The following HPSE2 variants were observed in gnomAD, a reference collection of about 807,000 sequenced individuals.
HPSE2 encodes inactive heparanase-2.
HPSE2 carries 38 observed loss-of-function variants against 60.5 expected under a neutral mutation model. The observed-to-expected ratio is 0.63, with a 90% CI of 0.48 to 0.82. HPSE2 has a LOEUF of 0.82. Ranked by LOEUF, HPSE2 falls within the 40% of genes least tolerant of loss-of-function variation. HPSE2 has a pLI of 0.00. For synonymous variants in HPSE2, 295 were observed against 293.2 expected, an observed-to-expected ratio of 1.01 and a Z score of -0.06; for missense variants, 713 against 740.4, an observed-to-expected ratio of 0.96 and a Z score of 0.43.
At chr10:99,020,398 T>C (rs915961522) in intron 3 of HPSE2, among the ~76,000 whole-genome samples, 7 of 152,186 alleles carry the variant, frequency 4.6e-5, no homozygotes, top group Admixed American at 4.6e-4. Context: ...TAAGGTCCCA[T>C]CATAAGTCTG....
chr10:98,777,872 T>C (rs753430210), intron 3 of HPSE2, among the ~76,000 whole-genome samples: 6 of 152,100 alleles, frequency 3.9e-5, no homozygotes, highest in Non-Finnish European at 8.8e-5. Flanking sequence ...CCAGGATTTC[T>C]TGATGGTAGT....
rs547106095 is a variant in HPSE2, at chr10:99,122,961, G to T, written c.610+21277C>A. Among the ~76,000 whole-genome samples, 7 of 152,080 alleles carry T rather than the reference G, an allele frequency of 4.6e-5. No homozygotes were observed. In the South Asian group the frequency reaches 1.2e-3, roughly 27 times the overall value. On this transcript the variant is annotated intron_variant, in intron 3 of 11. Coordinates refer to ENST00000370552, the MANE Select transcript of HPSE2 (RefSeq NM_021828.5). ...TGACAGAAAACAGAATTCAGAAATA[G>T]GTACAAATACATGTGGGAGTATAAT... is the stretch of plus-strand genomic sequence containing the variant.
At chr10:98,851,523 A>G (rs1443447755) in intron 3 of HPSE2, among the ~76,000 whole-genome samples, 2 of 152,316 alleles carry the variant, frequency 1.3e-5, no homozygotes, top group East Asian at 1.9e-4. Flanking sequence ...CTTTCTACAA[A>G]GAGCAAATGT....
At chr10:98,981,795 C>A (rs767022065) in intron 3 of HPSE2, among the ~76,000 whole-genome samples, 10 of 151,988 alleles carry the variant, frequency 6.6e-5, no homozygotes, top group Non-Finnish European at 1.2e-4. Context: ...ATTTGTATTT[C>A]TCCCTTACTA....
In HPSE2 at chr10:99,218,622, C is replaced by A. The variant is rs143653350; in HGVS notation, c.448+13726G>T. 5.9e-5 allele frequency among the ~76,000 whole-genome samples: 9 copies of A among 152,284 alleles called. No individual in the cohort carries two copies. The East Asian group carries it at 1.3e-3, about 23-fold the overall frequency. ...AAAAGACCTCAGTCATTCAGTGACA[C>A]AAAAACCCCAAATGAAGACATTTCA... On this transcript the variant is annotated intron_variant, in intron 2 of 11. Transcript: ENST00000370552.
At chr10:98,781,629 C>T (rs956979418) in intron 3 of HPSE2, among the ~76,000 whole-genome samples, 13 of 152,132 alleles carry the variant, frequency 8.5e-5, no homozygotes, top group Admixed American at 8.5e-4. Context: ...TTCAACTTTA[C>T]TTGTAATCAA....
At chr10:98,888,851 C>T (rs766518863) in intron 3 of HPSE2, among the ~76,000 whole-genome samples, 2 of 152,168 alleles carry the variant, frequency 1.3e-5, no homozygotes, top group East Asian at 1.9e-4. Context: ...TTTGGAATTG[C>T]TTAAAAGCTA....
chr10:98,957,383 G>A (rs1288248354), intron 3 of HPSE2, among the ~76,000 whole-genome samples: 1 of 152,032 alleles, frequency 6.6e-6, no homozygotes, highest in Non-Finnish European at 1.5e-5. Context: ...CGGCCTTCAG[G>A]GGTAGCTTTG....
chr10:99,272,804 A>T, the HPSE2 span, among the ~76,000 whole-genome samples: 276 of 152,334 alleles, frequency 1.8e-3, 1 homozygote, highest in Admixed American at 3.2e-3. Flanking sequence ...GTGAAAAGGG[A>T]ACACTTTTAC....
At chr10:99,191,760 T>A (rs910577268) in intron 2 of HPSE2, among the ~76,000 whole-genome samples, 1 of 152,128 alleles carries the variant, frequency 6.6e-6, no homozygotes, top group African/African-American at 2.4e-5. Flanking sequence ...CAGGAAAATA[T>A]GACCTCACCA....
intron 3 of HPSE2, among the ~76,000 whole-genome samples, chr10:99,121,081 T>A (rs1224197612): frequency 6.6e-6 from 1 of 152,082 alleles, no homozygotes; most frequent in Non-Finnish European, 1.5e-5. Context: ...GTAGACAGAA[T>A]AAAGAAAATG....
chr10:98,897,017 TTAA>T (rs765643922), intron 3 of HPSE2, among the ~76,000 whole-genome samples: 23 of 152,128 alleles, frequency 1.5e-4, no homozygotes, highest in Non-Finnish European at 2.6e-4. Flanking sequence ...TGCCAAACAT[TTAA>T]GGAAGAAATG....
chr10:98,532,048 C>A (rs1943146807), intron 9 of HPSE2, among the ~76,000 whole-genome samples: 1 of 151,946 alleles, frequency 6.6e-6, no homozygotes, highest in South Asian at 2.1e-4. Flanking sequence ...CTATTTTTTT[C>A]ATGTGTTTAA....
chr10:99,144,182 A>G, intron 3 of HPSE2, 56 bp downstream of exon 3: 1 of 1,579,762 alleles, frequency 6.3e-7, no homozygotes, highest in South Asian at 1.1e-5. Context: ...GTGTACCCCA[A>G]AAAACAAGTT....
chr10:98,722,210 G>T (rs1208417328), intron 4 of HPSE2, among the ~76,000 whole-genome samples: 4 of 147,538 alleles, frequency 2.7e-5, no homozygotes, highest in Admixed American at 2.1e-4. Flanking sequence ...TTATGATAAG[G>T]TCATACTAGA....
chr10:98,740,968 GA>G (rs1949481910), intron 4 of HPSE2, among the ~76,000 whole-genome samples: 1 of 152,032 alleles, frequency 6.6e-6, no homozygotes, highest in African/African-American at 2.4e-5. Context: ...TCTAGTACAA[GA>G]AAAACTATCA....
intron 9 of HPSE2, among the ~76,000 whole-genome samples, chr10:98,508,963 T>G (rs889959524): frequency 6.6e-6 from 1 of 152,188 alleles, no homozygotes; most frequent in African/African-American, 2.4e-5. Flanking sequence ...ATTATTCAAT[T>G]TACTTTTAGC....
Position 98,471,002 on chromosome 10 carries a change from C to T in HPSE2, c.1614-11263G>A, listed in dbSNP as rs189153857. 3.5e-3 allele frequency among the ~76,000 whole-genome samples: 531 copies of T among 152,266 alleles called. 1 individual carries two copies. Among genetic ancestry groups the T allele is most frequent in the Non-Finnish European group, 5.9e-3 (401 of 68,020 alleles). ...TAAAAGCATTTCATAATCCTCTAAT[C>T]GGCACAGTGATCTCCACATTAGTAA... On this transcript the variant is annotated intron_variant, in intron 11 of 11. Transcript: ENST00000370552.
Position 98,937,051 on chromosome 10 carries a change from C to G in HPSE2, c.611-192995G>C, listed in dbSNP as rs1359384992. 2.1e-5 allele frequency among the ~76,000 whole-genome samples: 3 copies of G among 141,326 alleles called. No homozygotes were observed. In the East Asian group the frequency reaches 6.0e-4, roughly 28 times the overall value. The allele number at this position is 141,326 out of a possible 152,430, so 92.7% of individuals were successfully genotyped here. On this transcript the variant is annotated intron_variant, in intron 3 of 11. Transcript: ENST00000370552. ...AAAATTTTAAGTTTTTCAACCTCCT[C>G]CTCTACAACAATATACAATAACGTT...
Sources: allele counts gnomAD v4.1 joint callset (sites outside exome capture counted in the v4.1 genomes callset), GRCh38; gene constraint gnomAD v4.1.1; transcripts MANE v1.5; gene names NCBI Gene and HGNC (gene_info 2026-07-23, HGNC 2026-07-21).